The following KCNIP1 variants were observed in gnomAD, a reference collection of about 807,000 sequenced individuals.
The protein encoded by KCNIP1 is A-type potassium channel modulatory protein KCNIP1.
A neutral mutation model predicts 33.0 loss-of-function variants in KCNIP1; 18 were observed. The observed-to-expected ratio is 0.55, with a 90% CI of 0.38 to 0.81. The LOEUF (loss-of-function observed/expected upper bound fraction) is 0.81, where lower values mean the gene tolerates loss of function less well. Ranked by LOEUF, KCNIP1 falls within the 30% of genes least tolerant of loss-of-function variation. The pLI, the probability that KCNIP1 is intolerant of heterozygous loss-of-function variation, is 0.00. For synonymous variants in KCNIP1, 93 were observed against 98.3 expected, an observed-to-expected ratio of 0.95 and a Z score of 0.32; for missense variants, 238 against 271.6, an observed-to-expected ratio of 0.88 and a Z score of 0.87.
chr5:170,436,413 G>A (rs933341705), intron 1 of KCNIP1, among the ~76,000 whole-genome samples: 1 of 152,186 alleles, frequency 6.6e-6, no homozygotes, highest in South Asian at 2.1e-4. Context: ...GCCTCCCACT[G>A]GGTCACAGGG....
intron 1 of KCNIP1, among the ~76,000 whole-genome samples, chr5:170,527,165 C>G (rs191157179): frequency 0.01 from 1,531 of 152,274 alleles, 25 homozygotes; most frequent in African/African-American, 0.035. Flanking sequence ...CTAAGCAGCC[C>G]CAGCATGGAG....
At chr5:170,368,894 G>A (rs921695623) in intron 1 of KCNIP1, among the ~76,000 whole-genome samples, 2 of 152,140 alleles carry the variant, frequency 1.3e-5, no homozygotes, top group African/African-American at 2.4e-5. Flanking sequence ...TTCCAAACCA[G>A]CCTTCTGTTC....
chr5:170,576,021 A>G (rs1757591731), intron 1 of KCNIP1, among the ~76,000 whole-genome samples: 1 of 152,206 alleles, frequency 6.6e-6, no homozygotes, highest in South Asian at 2.1e-4. Flanking sequence ...AATAAAAATC[A>G]TTTATTCTGC....
At chr5:170,724,171 A>G (rs1475030138) in intron 5 of KCNIP1, among the ~76,000 whole-genome samples, 21 of 152,226 alleles carry the variant, frequency 1.4e-4, no homozygotes, top group Admixed American at 1.4e-3. Context: ...ACCATTCCCA[A>G]ATAAAATTAT....
intron 1 of KCNIP1, among the ~76,000 whole-genome samples, chr5:170,690,395 C>T (rs1561767105): frequency 6.6e-6 from 1 of 152,200 alleles, no homozygotes; most frequent in Non-Finnish European, 1.5e-5. Flanking sequence ...GCTTGTTATT[C>T]TCCTCAGAGC....
intron 6 of KCNIP1, among the ~76,000 whole-genome samples, chr5:170,733,629 C>A (rs889047741): frequency 1.3e-5 from 2 of 152,132 alleles, no homozygotes; most frequent in Admixed American, 6.5e-5. Context: ...TAAGGAAGCT[C>A]ATGGGGCTCA....
intron 1 of KCNIP1, among the ~76,000 whole-genome samples, chr5:170,616,557 G>T (rs1021331101): frequency 4.6e-5 from 7 of 152,156 alleles, no homozygotes; most frequent in Non-Finnish European, 7.4e-5. Flanking sequence ...GCATCTCTGC[G>T]TTCACGTCTG....
chr5:170,725,217 C>G (rs1410398502), intron 5 of KCNIP1, among the ~76,000 whole-genome samples: 1 of 152,194 alleles, frequency 6.6e-6, no homozygotes, highest in South Asian at 2.1e-4. Context: ...AAAGAGATAT[C>G]TGCACTCCCA....
chr5:170,596,465 C>T (rs541623193), intron 1 of KCNIP1, among the ~76,000 whole-genome samples: 10 of 152,310 alleles, frequency 6.6e-5, no homozygotes, highest in South Asian at 4.1e-4. Flanking sequence ...TGGAGATCTG[C>T]GAGCAGGACT....
chr5:170,609,995 G>T (rs1759082541), intron 1 of KCNIP1, among the ~76,000 whole-genome samples: 1 of 152,198 alleles, frequency 6.6e-6, no homozygotes, highest in African/African-American at 2.4e-5. Flanking sequence ...CTCTTGCTGG[G>T]GTGGGTCCTA....
rs147202327 is a variant in KCNIP1, at chr5:170,456,701, T to TTTTCTTTCTTTC, written c.88+102752_88+102763dup. On this transcript the variant is annotated intron_variant, in intron 1 of 7. Transcript: ENST00000377360. ...TTTCTTTCTTTCTCTCTCTCTCTCTTTTTCTTTCTTTCTTTCTTTCTTTCT... is the reference window on the plus strand; with the variant it reads ...TTTCTTTCTTTCTCTCTCTCTCTCTTTTTCTTTCTTTCTTTCTTTCTTTCTTTCTTTCTTTCT... Among the ~76,000 whole-genome samples, 469 of 135,762 alleles carry TTTTCTTTCTTTC rather than the reference T, an allele frequency of 3.5e-3. 11 individuals are homozygous for TTTTCTTTCTTTC. Among genetic ancestry groups the TTTTCTTTCTTTC allele is most frequent in the South Asian group, 0.033 (142 of 4,260 alleles). 89.1% of individuals were successfully genotyped at this position (135,762 alleles called of 152,430 possible).
At chr5:170,653,803 C>A (rs1169078296) in intron 1 of KCNIP1, among the ~76,000 whole-genome samples, 3 of 152,036 alleles carry the variant, frequency 2.0e-5, no homozygotes, top group Non-Finnish European at 4.4e-5. Flanking sequence ...AGCCTGGCCT[C>A]CCAGGAGAGG....
chr5:170,659,016 G>A (rs376884799), intron 1 of KCNIP1, among the ~76,000 whole-genome samples: 6 of 152,062 alleles, frequency 3.9e-5, no homozygotes, highest in Admixed American at 2.6e-4. Flanking sequence ...GGTTGTCCCC[G>A]GGCCCAGCAT....
chr5:170,704,483 G>A (rs1763192078), intron 1 of KCNIP1, among the ~76,000 whole-genome samples: 1 of 107,140 alleles, frequency 9.3e-6, no homozygotes, highest in African/African-American at 4.7e-5. Flanking sequence ...AAAGTACTCT[G>A]TAAAGTATAA....
At chr5:170,725,667 G>C (rs1358010662) in intron 5 of KCNIP1, among the ~76,000 whole-genome samples, 1 of 152,074 alleles carries the variant, frequency 6.6e-6, no homozygotes, top group Admixed American at 6.5e-5. Context: ...GAGTGTAATT[G>C]GTTTGTTTGT....
intron 1 of KCNIP1, among the ~76,000 whole-genome samples, chr5:170,370,265 T>A (rs545128411): frequency 1.3e-5 from 2 of 152,314 alleles, no homozygotes; most frequent in Non-Finnish European, 2.9e-5. Flanking sequence ...AGAACAGACA[T>A]TTGTGAAGCA....
intron 1 of KCNIP1, among the ~76,000 whole-genome samples, chr5:170,593,996 A>C (rs1295614942): frequency 2.6e-5 from 4 of 152,262 alleles, no homozygotes; most frequent in Admixed American, 2.6e-4. Flanking sequence ...ATAATTCTTC[A>C]TTCAATCTTG....
intron 1 of KCNIP1, among the ~76,000 whole-genome samples, chr5:170,395,591 G>C (rs1403505410): frequency 6.6e-6 from 1 of 152,192 alleles, no homozygotes; most frequent in African/African-American, 2.4e-5. Context: ...GAATGGACAG[G>C]TATAAGGGAG....
intron 1 of KCNIP1, among the ~76,000 whole-genome samples, chr5:170,426,158 T>C (rs1380942910): frequency 6.6e-6 from 1 of 152,020 alleles, no homozygotes; most frequent in African/African-American, 2.4e-5. Flanking sequence ...AGCTCCTCCA[T>C]GGTAGGGACT....
Sources: allele counts gnomAD v4.1 joint callset (sites outside exome capture counted in the v4.1 genomes callset), GRCh38; gene constraint gnomAD v4.1.1; transcripts MANE v1.5; gene names NCBI Gene and HGNC (gene_info 2026-07-23, HGNC 2026-07-21).